The following USP40 variants were observed in gnomAD, a reference collection of about 807,000 sequenced individuals.
USP40 encodes ubiquitin specific peptidase 40.
A neutral mutation model predicts 166.2 loss-of-function variants in USP40; 143 were observed. That is an observed-to-expected ratio of 0.86 (90% CI 0.75 to 0.99). USP40 has a LOEUF of 0.99. Among genes scored for constraint, USP40 ranks in the 50% least tolerant of loss-of-function variants. The pLI is 0.00. For synonymous variants in USP40, 498 were observed against 524.0 expected (o/e 0.95, Z 0.68); for missense variants, 1,444 against 1,479.7 (o/e 0.98, Z 0.40).
rs1575230497 is a variant in USP40 at position 233,493,991 on chromosome 2, C to T, written c.2791-440G>A. ...AATAAACCCATTGTCTTATACATAC[C>T]CTGTAATTTCAGTTTTACTTATTTA... On this transcript the variant is annotated intron_variant, in intron 24 of 31. Coordinates refer to ENST00000678225, the MANE Select transcript of USP40 (RefSeq NM_001365479.2). The surrounding 1 kb of genome is among the most constrained non-coding windows in gnomAD (Gnocchi z 4.7). Among the ~76,000 whole-genome samples the T allele has an allele frequency of 6.6e-6, 1 of 152,218 alleles. No homozygotes were observed. Among genetic ancestry groups the T allele is most frequent in the South Asian group, 2.1e-4 (1 of 4,818 alleles).
intron 24 of USP40, 116 bp downstream of exon 24, chr2:233,496,641 TC>T: frequency 1.6e-6 from 1 of 613,910 alleles, no homozygotes; most frequent in Middle Eastern, 4.6e-4. Context: ...GGGAAAGTTC[TC>T]CCTTCTCTTT....
At chr2:233,512,649 C>G (rs1559240163) in intron 18 of USP40, 27 bp from the exon 19 acceptor site, 1 of 1,334,136 alleles carries the variant, frequency 7.5e-7, no homozygotes, top group East Asian at 2.6e-5. Flanking sequence ...TATTATTTTT[C>G]TTAGAGAGCT....
intron 2 of USP40, among the ~76,000 whole-genome samples, chr2:233,564,470 T>C (rs1229312268): frequency 1.3e-5 from 2 of 152,070 alleles, no homozygotes; most frequent in Non-Finnish European, 1.5e-5. Context: ...AGATGGGGTA[T>C]GGGAGAAATA....
intron 3 of USP40, chr2:233,560,819 G>C (rs2071517973): frequency 2.0e-6 from 1 of 502,212 alleles, no homozygotes; most frequent in South Asian, 4.1e-5. Context: ...GTGTGGGGTG[G>C]AGAGGTCGGT....
chr2:233,524,348 T>C, intron 15 of USP40, 144 bp downstream of exon 15: 1 of 551,334 alleles, frequency 1.8e-6, no homozygotes, highest in Non-Finnish European at 3.0e-6. Flanking sequence ...CAGGCTGGTC[T>C]TGAATTCCTG....
At chr2:233,517,416 G>A (rs113795452) in intron 18 of USP40, among the ~76,000 whole-genome samples, 137 of 130,424 alleles carry the variant, frequency 1.1e-3, no homozygotes, top group Non-Finnish European at 1.1e-3. Flanking sequence ...ACGGAGTCTC[G>A]CTCTGTCACC....
At chr2:233,555,372 G>A (rs1219467137) in intron 5 of USP40, among the ~76,000 whole-genome samples, 2 of 152,124 alleles carry the variant, frequency 1.3e-5, no homozygotes, top group African/African-American at 4.8e-5. Context: ...GTATGTGTGT[G>A]CAACAGCTTT....
rs1323335911 is a variant in USP40, at chr2:233,485,914, G to C, written c.3261C>G (p.Ala1087=). The stretch of plus-strand genomic sequence containing the variant: ...GGGCCGCGTTCCACACCAGGTCCAG[G>C]GCAGGGGCATAGGTCCTCTCACCAG... ...RIPGERTYAP[A]LDLVWNAAQG... Residue 1087 remains alanine, a synonymous_variant, in exon 29 of 32, where the codon GCC becomes GCG. Coordinates refer to ENST00000678225, the MANE Select transcript of USP40 (RefSeq NM_001365479.2). The C allele has an allele frequency of 6.2e-7, 1 of 1,601,356 alleles. No individual in the cohort carries two copies. Among genetic ancestry groups the C allele is most frequent in the Non-Finnish European group, 8.5e-7 (1 of 1,174,792 alleles).
Position 233,533,745 on chromosome 2 carries a change from C to T in USP40, c.1205G>A (p.Ser402Asn). 1 of 1,609,750 alleles carries T rather than the reference C, an allele frequency of 6.2e-7. No individual in the cohort carries two copies. Among genetic ancestry groups the T allele is most frequent in the Non-Finnish European group, 8.5e-7 (1 of 1,178,036 alleles). ...GAGACGAACTGTACTTTCATCTGAA[C>T]TGAGTAGAAATATCTGAGAATGGAG... ...LQLHSQIFLL[S>N]SDESTVRLLK... Residue 402 changes from serine to asparagine, a missense_variant, in exon 11 of 32, where the codon AGT becomes AAT. Coordinates refer to ENST00000678225, the MANE Select transcript of USP40 (RefSeq NM_001365479.2).
chr2:233,494,956 TTATATATATATATATATATATA>T lies in USP40; in HGVS notation c.2791-1427_2791-1406del, dbSNP rs71058559. Among the ~76,000 whole-genome samples, 17 of 35,504 alleles carry T rather than the reference TTATATATATATATATATATATA, an allele frequency of 4.8e-4. 1 individual carries two copies. In the Admixed American group the frequency reaches 7.1e-3, roughly 15 times the overall value. 23.3% of individuals were successfully genotyped at this position (35,504 alleles called of 152,430 possible). A position where few individuals can be genotyped will look rare whatever the true frequency, so the allele number is the denominator to read the frequency against. On this transcript the variant is annotated intron_variant, in intron 24 of 31. Coordinates refer to ENST00000678225, the MANE Select transcript of USP40 (RefSeq NM_001365479.2). Reference sequence around the variant, plus strand: ...TATATATATATATATATATATATATTTATATATATATATATATATATATACACACACATAAAAAATAAATAAA... The same window carrying T: ...TATATATATATATATATATATATATTTACACACACATAAAAAATAAATAAA...
At chr2:233,533,396 A>G in intron 11 of USP40, 83 bp downstream of exon 11, 1 of 1,404,552 alleles carries the variant, frequency 7.1e-7, no homozygotes, top group South Asian at 1.4e-5. Context: ...CTTTTTTTAA[A>G]AGAATAAAAA....
At chr2:233,525,305 C>T (rs1408876605) in intron 14 of USP40, among the ~76,000 whole-genome samples, 173 bp downstream of exon 14, 1 of 152,108 alleles carries the variant, frequency 6.6e-6, no homozygotes, top group Non-Finnish European at 1.5e-5. Flanking sequence ...AAACTGGATA[C>T]ATTAAAACGT....
intron 24 of USP40, among the ~76,000 whole-genome samples, chr2:233,495,285 G>A (rs1171457012): frequency 6.6e-6 from 1 of 151,734 alleles, no homozygotes; most frequent in Non-Finnish European, 1.5e-5. Context: ...GGATATATAT[G>A]CTATGTATAT....
chr2:233,535,985 C>T (rs1221658788), intron 10 of USP40, among the ~76,000 whole-genome samples: 2 of 151,830 alleles, frequency 1.3e-5, no homozygotes, highest in Non-Finnish European at 2.9e-5. Flanking sequence ...TCAATCTGTA[C>T]CCTTATAAAT....
intron 21 of USP40, among the ~76,000 whole-genome samples, chr2:233,505,597 G>A (rs934800210): frequency 2.0e-5 from 3 of 152,014 alleles, no homozygotes; most frequent in Admixed American, 2.0e-4. Context: ...TAAATTCCTG[G>A]ACATATACAA....
At chr2:233,552,851 T>G (rs894188587) in intron 6 of USP40, among the ~76,000 whole-genome samples, 1 of 152,220 alleles carries the variant, frequency 6.6e-6, no homozygotes, top group African/African-American at 2.4e-5. Flanking sequence ...CTGGAAAAAT[T>G]CAATAATTGT....
chr2:233,557,186 AT>A (rs1189796357), intron 4 of USP40, among the ~76,000 whole-genome samples, 167 bp from the exon 5 acceptor site: 1 of 152,236 alleles, frequency 6.6e-6, no homozygotes, highest in Non-Finnish European at 1.5e-5. Flanking sequence ...ATTACCACCT[AT>A]TTTTATTTAT....
At chr2:233,529,642 G>A (rs770184251) in intron 11 of USP40, 130 bp from the exon 12 acceptor site, 28 of 522,952 alleles carry the variant, frequency 5.4e-5, no homozygotes, top group South Asian at 1.9e-4. Context: ...GTGTGAATAC[G>A]AATTTTCTCA....
Position 233,556,967 on chromosome 2 carries a change from A to G in USP40, c.434T>C (p.Leu145Ser), listed in dbSNP as rs776870467. ...QELNRILFSA[L>S]ETSLVGTSGH... ...GGAGGTCCCAACTAAAGAAGTTTCC[A>G]AAGCGCTGAAGAGGATTCGATTCAG... The change falls in exon 5 of 32, where the codon TTG becomes TCG. Residue 145 changes from leucine (L) to serine (S), a missense_variant. Transcript: ENST00000678225. The G allele has an allele frequency of 6.2e-7, 1 of 1,614,014 alleles. No homozygotes were observed. The highest frequency in any genetic ancestry group is 8.5e-7 in the Non-Finnish European group (1 of 1,179,868).
Sources: allele counts gnomAD v4.1 joint callset (sites outside exome capture counted in the v4.1 genomes callset), GRCh38; gene constraint gnomAD v4.1.1; non-coding constraint Gnocchi (gnomAD v3.1); transcripts MANE v1.5; gene names NCBI Gene and HGNC (gene_info 2026-07-23, HGNC 2026-07-21).